Variants in NAPRT observed in about 807,000 individuals in gnomAD.
NAPRT encodes FHA-HIT-interacting protein.
Under a neutral mutation model 60.7 loss-of-function variants are expected in NAPRT, and 66 were observed. The observed-to-expected ratio is 1.09, with a 90% CI of 0.89 to 1.33. The LOEUF (loss-of-function observed/expected upper bound fraction) is 1.33, where lower values mean the gene tolerates loss of function less well. Among genes scored for constraint, NAPRT ranks in the 40% most tolerant of loss-of-function variants. The pLI is 0.00. For missense variants in NAPRT, 818 were observed against 731.5 expected (o/e 1.12, Z -1.36); for synonymous variants, 405 against 335.7 (o/e 1.21, Z -2.26).
chr8:143,576,218 C>A, intron 7 of NAPRT, 56 bp from the exon 8 acceptor site: 4 of 1,492,278 alleles, frequency 2.7e-6, no homozygotes, highest in Non-Finnish European at 3.6e-6. Context: ...CCTGATTCAC[C>A]CTGGTGTCCC....
intron 5 of NAPRT, 66 bp downstream of exon 5, chr8:143,576,996 C>T (rs892415871): frequency 4.1e-5 from 64 of 1,560,822 alleles, no homozygotes; most frequent in Middle Eastern, 1.7e-4. Context: ...GCACACCTCT[C>T]GCCAGGGCAA....
intron 7 of NAPRT, 101 bp downstream of exon 7, chr8:143,576,331 T>C: frequency 6.8e-7 from 1 of 1,480,790 alleles, no homozygotes; most frequent in Non-Finnish European, 9.1e-7. Context: ...GCCTGCAGTA[T>C]CACCGCTGAA....
rs745945773 is a variant in NAPRT at position 143,577,811 on chromosome 8, C to T, written c.354+5G>A. Reference sequence around the variant, plus strand: ...CCGCCGCGCCGCCCGCTTACCCCTACTCACTCCGGGGAAGGCGAGGGAGCC... The same window carrying T: ...CCGCCGCGCCGCCCGCTTACCCCTATTCACTCCGGGGAAGGCGAGGGAGCC... On this transcript the variant is annotated splice_donor_5th_base_variant and intron_variant, in intron 2 of 12. Coordinates refer to ENST00000449291, the MANE Select transcript of NAPRT (RefSeq NM_145201.6). 3 of 1,604,642 alleles carry T rather than the reference C, an allele frequency of 1.9e-6. 1 individual carries two copies. The highest frequency in any genetic ancestry group is 2.2e-5 in the South Asian group (2 of 90,294).
rs1470240563 is a variant in NAPRT at position 143,574,933 on chromosome 8, G to C, written c.1555-33C>G. 4 of 1,550,308 alleles carry C rather than the reference G, an allele frequency of 2.6e-6. No individual in the cohort carries two copies. The Admixed American group carries it at 5.9e-5, about 23-fold the overall frequency. ...GAGCAGAGGACAGGAGCGGTGGGCA[G>C]GGTGAGGGCGGGGGCGCACAGGGCA... On this transcript the variant is annotated intron_variant, in intron 12 of 12. Coordinates refer to ENST00000449291, the MANE Select transcript of NAPRT (RefSeq NM_145201.6).
At position 143,574,872 on chromosome 8, in the gene NAPRT, A is replaced by G. The variant is rs963159337; in HGVS notation, c.1583T>C (p.Leu528Pro). Residue 528 changes from leucine (L) to proline (P), a missense_variant, in exon 13 of 13, where the codon CTG becomes CCG. Leu to Pro is a moderately conservative substitution (Grantham distance 98, BLOSUM62 -3). Transcript: ENST00000449291. ...QVVLSERLQALVNSLCAGQSP is the reference protein window; with the variant it reads ...QVVLSERLQAPVNSLCAGQSP ...CTGCCCCGCACACAGACTGTTCACCAGGGCCTGCAGCCTCTCGGACAGCAC... is the reference window on the plus strand; with the variant it reads ...CTGCCCCGCACACAGACTGTTCACCGGGGCCTGCAGCCTCTCGGACAGCAC... 70 of 1,550,512 alleles carry G rather than the reference A, an allele frequency of 4.5e-5. No individual in the cohort carries two copies. The highest frequency in any genetic ancestry group is 6.1e-5 in the Non-Finnish European group (70 of 1,147,008).
In NAPRT at chr8:143,578,279, G is replaced by A. The variant is rs531554088; in HGVS notation, c.40C>T (p.Arg14Trp). ...EQDPEARAAA[R>W]PLLTDLYQAT... is the part of the protein sequence containing the mutation. The stretch of plus-strand genomic sequence containing the variant: ...TGGTAGAGGTCAGTGAGCAGCGGCC[G>A]CGCCGCCGCGCGCGCCTCGGGGTCC... Residue 14 changes from arginine (R) to tryptophan (W), a missense_variant, in exon 1 of 13, where the codon CGG becomes TGG. By Grantham distance (101) the Arg-to-Trp change is moderately radical (BLOSUM62 -3). Coordinates refer to ENST00000449291, the MANE Select transcript of NAPRT (RefSeq NM_145201.6). 255 of 1,406,132 alleles carry A rather than the reference G, an allele frequency of 1.8e-4. 2 individuals are homozygous for A. In the African/African-American group the frequency reaches 3.3e-3, roughly 18 times the overall value. 87.1% of individuals were successfully genotyped at this position (1,406,132 alleles called of 1,614,324 possible).
In NAPRT at chr8:143,578,084, G is replaced by C. The variant is rs1824639849; in HGVS notation, c.226+9C>G. 1 of 1,514,814 alleles carries C rather than the reference G, an allele frequency of 6.6e-7. No individual in the cohort carries two copies. The highest frequency in any genetic ancestry group is 1.4e-5 in the African/African-American group (1 of 70,882). 93.8% of individuals were successfully genotyped at this position (1,514,814 alleles called of 1,614,324 possible). A position where few individuals can be genotyped will look rare whatever the true frequency, so the allele number is the denominator to read the frequency against. ...GCGTGGGGGGCTCGTCGCGCGGACG[G>C]GGGACTACCGGCGTCCCGCAGGCGG... On this transcript the variant is annotated intron_variant, in intron 1 of 12. Coordinates refer to ENST00000449291, the MANE Select transcript of NAPRT (RefSeq NM_145201.6).
Position 143,577,182 on chromosome 8 carries a change from G to A in NAPRT, c.569-5C>T. The A allele has an allele frequency of 6.2e-7, 1 of 1,610,676 alleles. No homozygotes were observed. The highest frequency in any genetic ancestry group is 1.3e-5 in the African/African-American group (1 of 75,028). On this transcript the variant is annotated splice_region_variant and splice_polypyrimidine_tract_variant and intron_variant, in intron 4 of 12. Transcript: ENST00000449291. ...CGTTGCTGCTGCTGTCGAAGCCTGG[G>A]GAGGAAGGCGGTGGGATTGGGGGAC...
Position 143,576,630 on chromosome 8 carries a change from A to G in NAPRT, c.881+16T>C, listed in dbSNP as rs779209502. The G allele has an allele frequency of 3.4e-5, 55 of 1,605,490 alleles. No individual in the cohort carries two copies. In the East Asian group the frequency reaches 1.2e-3, roughly 35 times the overall value. On this transcript the variant is annotated intron_variant, in intron 6 of 12. Coordinates refer to ENST00000449291, the MANE Select transcript of NAPRT (RefSeq NM_145201.6). ...TGAGGTTCTGCTGAGCCCACCCCTA[A>G]AGTGCCCGGGCTCACCTCCACACGC...
rs36121778 is a variant in NAPRT at position 143,576,494 on chromosome 8, G to A, written c.960C>T (p.Asp320=). 2.6e-3 allele frequency: 4,236 copies of A among 1,612,574 alleles called. 74 individuals carry two copies. The African/African-American group carries it at 0.035, about 13-fold the overall frequency. The change falls in exon 7 of 13, where the codon GAC becomes GAT. Residue 320 remains aspartate, a synonymous_variant. Transcript: ENST00000449291. The part of the protein sequence containing the change: ...LGYRAVGVRL[D]SGDLLQQAQE... ...GAGCCTGCTGTAGCAGGTCACCACTGTCCAGCCTCACGCCCACTGCCCGGT... is the reference window on the plus strand; with the variant it reads ...GAGCCTGCTGTAGCAGGTCACCACTATCCAGCCTCACGCCCACTGCCCGGT...
chr8:143,577,082 T>C lies in NAPRT; in HGVS notation c.664A>G (p.Ser222Gly), dbSNP rs1323702231. ...AHSFVTSFSG[S>G]EVPPDPMLAP... ...CTGACCGGGTCAGGGGGCACCTCGC[T>C]GCCTGAAAAGGAAGTGACGAAGGAG... The change falls in exon 5 of 13, where the codon AGC becomes GGC. Residue 222 changes from serine (S) to glycine (G), a missense_variant. Coordinates refer to ENST00000449291, the MANE Select transcript of NAPRT (RefSeq NM_145201.6). 7 of 1,612,860 alleles carry C rather than the reference T, an allele frequency of 4.3e-6. No homozygotes were observed. Among genetic ancestry groups the C allele is most frequent in the Admixed American group, 1.7e-5 (1 of 60,006 alleles).
chr8:143,573,591 C>G (rs1824209341), downstream of NAPRT: 2 of 152,312 alleles, frequency 1.3e-5, no homozygotes, highest in Non-Finnish European at 2.9e-5. Flanking sequence ...GCCTCCCCAG[C>G]CATGCTTCCT....
At chr8:143,576,335 C>A (rs114291348) in intron 7 of NAPRT, 97 bp downstream of exon 7, 15 of 1,485,110 alleles carry the variant, frequency 1.0e-5, no homozygotes, top group Non-Finnish European at 1.2e-5. Flanking sequence ...GCAGTATCAC[C>A]GCTGAAACTT....
In NAPRT at chr8:143,577,735, G is replaced by C. The variant is rs1055244657; in HGVS notation, c.359C>G (p.Pro120Arg). ...PEGSLAFPGV[P>R]LLQVSGPLLV... Reference sequence around the variant, plus strand: ...GAGCGGCCCGGACACCTGCAGGAGCGGCACCTGCGGGGAGAGAAGTCAGCT... The same window carrying C: ...GAGCGGCCCGGACACCTGCAGGAGCCGCACCTGCGGGGAGAGAAGTCAGCT... Residue 120 changes from proline (P) to arginine (R), a missense_variant, in exon 3 of 13, where the codon CCG (proline) becomes CGG (arginine). By Grantham distance (103) the Pro-to-Arg change is moderately radical. Transcript: ENST00000449291. 1.3e-6 allele frequency: 2 copies of C among 1,550,194 alleles called. No individual in the cohort carries two copies. Among genetic ancestry groups the C allele is most frequent in the Non-Finnish European group, 1.7e-6 (2 of 1,150,170 alleles).
chr8:143,575,167 G>C, intron 11 of NAPRT, 24 bp downstream of exon 11: 1 of 1,595,688 alleles, frequency 6.3e-7, no homozygotes, highest in Non-Finnish European at 8.5e-7. Context: ...CTGGGGGTCA[G>C]GATGAGGGCG....
In NAPRT at chr8:143,576,906, G is replaced by A; in HGVS notation, c.685-64C>T. ...GCAGGATGAGGCCTGGGAGCAGCCA[G>A]GGACACCCTAGTTTGAGAGCAAAGG... On this transcript the variant is annotated intron_variant, in intron 5 of 12. Coordinates refer to ENST00000449291, the MANE Select transcript of NAPRT (RefSeq NM_145201.6). 4 of 1,528,422 alleles carry A rather than the reference G, an allele frequency of 2.6e-6. 1 individual carries two copies. Among genetic ancestry groups the A allele is most frequent in the Non-Finnish European group, 3.5e-6 (4 of 1,126,972 alleles). The allele number at this position is 1,528,422 out of a possible 1,614,324, so 94.7% of individuals were successfully genotyped here. A position where few individuals can be genotyped will look rare whatever the true frequency, so the allele number is the denominator to read the frequency against.
In NAPRT at chr8:143,575,631, G is replaced by A. The variant is rs9771743; in HGVS notation, c.1179C>T (p.Gly393=). The change falls in exon 9 of 13, where the codon GGC becomes GGT. Residue 393 remains glycine, a synonymous_variant. Coordinates refer to ENST00000449291, the MANE Select transcript of NAPRT (RefSeq NM_145201.6). ...CCGACACTGTCCCTACCTTATAGACGCCACCCAGGGAAGGCTGTTGGGGGC... is the reference window on the plus strand; with the variant it reads ...CCGACACTGTCCCTACCTTATAGACACCACCCAGGGAAGGCTGTTGGGGGC... ...VTCPQQPSLG[G]VYKLVAVGGQ... 278,808 of 1,591,412 alleles carry A rather than the reference G, an allele frequency of 0.18. 25,555 individuals are homozygous for A. Among genetic ancestry groups the A allele is most frequent in the Middle Eastern group, 0.23 (1,112 of 4,802 alleles).
chr8:143,574,344 T>G (rs1251456256), downstream of NAPRT, among the ~76,000 whole-genome samples: 1 of 152,190 alleles, frequency 6.6e-6, no homozygotes, highest in Non-Finnish European at 1.5e-5. Flanking sequence ...CCCTTTTGAC[T>G]TGGGGAGTTT....
In NAPRT at chr8:143,577,819, G is replaced by C; in HGVS notation, c.351C>G (p.Pro117=). The change falls in exon 2 of 13, where the codon CCC becomes CCG. Residue 117 remains proline (P), a synonymous_variant. Coordinates refer to ENST00000449291, the MANE Select transcript of NAPRT (RefSeq NM_145201.6). The part of the protein sequence containing the change: ...RALPEGSLAF[P]GVPLLQVSGP... ...CCGCCCGCTTACCCCTACTCACTCC[G>C]GGGAAGGCGAGGGAGCCCTCGGGCA... The C allele has an allele frequency of 3.7e-6, 6 of 1,606,964 alleles. No homozygotes were observed. Among genetic ancestry groups the C allele is most frequent in the Non-Finnish European group, 5.1e-6 (6 of 1,177,872 alleles).
Sources: allele counts gnomAD v4.1 joint callset (sites outside exome capture counted in the v4.1 genomes callset), GRCh38; gene constraint gnomAD v4.1.1; transcripts MANE v1.5; gene names NCBI Gene and HGNC (gene_info 2026-07-23, HGNC 2026-07-21).